FAM120B: variants seen among roughly 807,000 people sequenced by gnomAD.
FAM120B encodes the protein family with sequence similarity 120 member B.
A neutral mutation model predicts 96.3 loss-of-function variants in FAM120B; 83 were observed. That is an observed-to-expected ratio of 0.86 (90% CI 0.72 to 1.03). The LOEUF (loss-of-function observed/expected upper bound fraction) is 1.03. Ranked by LOEUF, FAM120B falls within the 50% of genes least tolerant of loss-of-function variation. FAM120B has a pLI of 0.00. For missense variants in FAM120B, 1,027 were observed against 1,121.2 expected, an observed-to-expected ratio of 0.92 and a Z score of 1.20; for synonymous variants, 407 against 402.7, an observed-to-expected ratio of 1.01 and a Z score of -0.13.
intron 5 of FAM120B, among the ~76,000 whole-genome samples, chr6:170,355,924 T>C (rs1222778893): frequency 6.6e-6 from 1 of 152,190 alleles, no homozygotes; most frequent in East Asian, 1.9e-4. Flanking sequence ...ATGTGTTTTG[T>C]TCTTGATACT....
At chr6:170,313,530 C>T (rs1186841638) in intron 1 of FAM120B, among the ~76,000 whole-genome samples, 1 of 152,238 alleles carries the variant, frequency 6.6e-6, no homozygotes, top group Non-Finnish European at 1.5e-5. Flanking sequence ...AATTTTCTAA[C>T]AGACTTACCT....
intron 9 of FAM120B, among the ~76,000 whole-genome samples, chr6:170,400,910 A>G (rs1269644341): frequency 2.0e-5 from 3 of 152,142 alleles, no homozygotes; most frequent in African/African-American, 7.2e-5. Context: ...GCCAGGAAGG[A>G]TGCCATGCAC....
At position 170,323,161 on chromosome 6, in the gene FAM120B, C is replaced by A. The variant is rs1002023776; in HGVS notation, c.1817C>A (p.Thr606Asn). The A allele has an allele frequency of 6.2e-7, 1 of 1,614,086 alleles. No homozygotes were observed. The highest frequency in any genetic ancestry group is 8.5e-7 in the Non-Finnish European group (1 of 1,180,010). ...MSSGEIECSN[T>N]LEDELDQALP... ...AGTGGAGAGATTGAATGCAGCAACA[C>A]CCTAGAAGATGAGCTTGACCAGGCC... is the stretch of plus-strand genomic sequence containing the variant. Residue 606 changes from threonine (T) to asparagine (N), a missense_variant, in exon 3 of 11, where the codon ACC (threonine) becomes AAC (asparagine). By Grantham distance (65) the Thr-to-Asn change is moderately conservative (BLOSUM62 0). This residue lies in a region of FAM120B where 880 missense variants were observed against 980.9 expected (regional missense o/e 0.90). Coordinates refer to ENST00000476287, the MANE Select transcript of FAM120B (RefSeq NM_032448.3).
chr6:170,350,851 A>G (rs1191348084), intron 5 of FAM120B, among the ~76,000 whole-genome samples: 1 of 152,228 alleles, frequency 6.6e-6, no homozygotes, highest in Non-Finnish European at 1.5e-5. Context: ...CAATGCAAAC[A>G]TGCTGAAAAC....
At chr6:170,328,248 A>T in intron 3 of FAM120B, among the ~76,000 whole-genome samples, 1 of 152,122 alleles carries the variant, frequency 6.6e-6, no homozygotes, top group Non-Finnish European at 1.5e-5. Flanking sequence ...CTGAATTCAT[A>T]CTTTAGAAAC....
chr6:170,397,306 C>G (rs1307294525), intron 9 of FAM120B, among the ~76,000 whole-genome samples: 1 of 152,128 alleles, frequency 6.6e-6, no homozygotes. Context: ...CCCCTCCATC[C>G]CTCCCTCACT....
chr6:170,397,028 C>T (rs1164709161), intron 9 of FAM120B, among the ~76,000 whole-genome samples: 4 of 152,244 alleles, frequency 2.6e-5, no homozygotes, highest in Admixed American at 2.0e-4. Flanking sequence ...AGGTCAGAGA[C>T]TGCAGCCCTG....
At chr6:170,368,483 G>C (rs1417038199) in intron 6 of FAM120B, among the ~76,000 whole-genome samples, 1 of 152,202 alleles carries the variant, frequency 6.6e-6, no homozygotes. Context: ...AGATCAAGCC[G>C]TTAAGATGGC....
Position 170,405,037 on chromosome 6 carries a change from G to T in FAM120B, c.*286G>T. 1 of 162,154 alleles carries T rather than the reference G, an allele frequency of 6.2e-6. No homozygotes were observed. The highest frequency in any genetic ancestry group is 6.3e-5 in the Admixed American group (1 of 15,926). 10.0% of individuals were successfully genotyped at this position (162,154 alleles called of 1,614,324 possible). A position where few individuals can be genotyped will look rare whatever the true frequency, so the allele number is the denominator to read the frequency against. On this transcript the variant is annotated 3_prime_UTR_variant, in exon 11 of 11. Transcript: ENST00000476287. ...CTGATCTTTCATTCATATATATGAT[G>T]CCTAGCTAATTTCATTTTAAAATAA...
chr6:170,382,868 G>A (rs1340549360), intron 6 of FAM120B, among the ~76,000 whole-genome samples: 1 of 152,136 alleles, frequency 6.6e-6, no homozygotes, highest in Non-Finnish European at 1.5e-5. Context: ...AAAGAAAATG[G>A]GCAGAATCAC....
intron 3 of FAM120B, among the ~76,000 whole-genome samples, chr6:170,323,872 G>T (rs1785440932): frequency 6.6e-6 from 1 of 152,212 alleles, no homozygotes; most frequent in Admixed American, 6.5e-5. Flanking sequence ...ATTTGGAATA[G>T]TTTTGGGGGG....
At chr6:170,380,185 TC>T (rs1271543259) in intron 6 of FAM120B, among the ~76,000 whole-genome samples, 2 of 152,184 alleles carry the variant, frequency 1.3e-5, no homozygotes, top group African/African-American at 4.8e-5. Context: ...GGATTTTTTT[TC>T]TTTTTTTTTT....
chr6:170,313,832 G>T (rs1217486531), intron 1 of FAM120B, among the ~76,000 whole-genome samples: 1 of 152,178 alleles, frequency 6.6e-6, no homozygotes, highest in Non-Finnish European at 1.5e-5. Context: ...GATGCTGGGG[G>T]TCTGTTAAGG....
chr6:170,323,867 G>C (rs1485059120), intron 3 of FAM120B, among the ~76,000 whole-genome samples: 1 of 152,166 alleles, frequency 6.6e-6, no homozygotes, highest in Non-Finnish European at 1.5e-5. Context: ...TCACCATTTG[G>C]AATAGTTTTG....
intron 9 of FAM120B, among the ~76,000 whole-genome samples, chr6:170,403,204 A>G (rs973790559): frequency 5.9e-5 from 9 of 152,260 alleles, no homozygotes; most frequent in Middle Eastern, 3.4e-3. Flanking sequence ...AATTTCAGAG[A>G]TTCCAGTATA....
chr6:170,312,719 A>G (rs895268515), intron 1 of FAM120B, among the ~76,000 whole-genome samples: 3 of 125,876 alleles, frequency 2.4e-5, no homozygotes, highest in Non-Finnish European at 5.4e-5. Context: ...CCGATGTTAA[A>G]ATTCTAACAT....
At chr6:170,333,338 C>T (rs954073197) in intron 4 of FAM120B, among the ~76,000 whole-genome samples, 1 of 152,060 alleles carries the variant, frequency 6.6e-6, no homozygotes, top group Non-Finnish European at 1.5e-5. Context: ...GGAAGCGGGG[C>T]CTCACCAGAA....
intron 6 of FAM120B, among the ~76,000 whole-genome samples, chr6:170,379,608 G>T (rs552782059): frequency 6.6e-6 from 1 of 152,136 alleles, no homozygotes; most frequent in Non-Finnish European, 1.5e-5. Context: ...TTTTTAGAAT[G>T]GGGTGTTCAA....
chr6:170,318,171 G>T lies in FAM120B; in HGVS notation c.781G>T (p.Gly261Cys), dbSNP rs1411083004. 6.2e-7 allele frequency: 1 copy of T among 1,614,022 alleles called. No homozygotes were observed. Among genetic ancestry groups the T allele is most frequent in the Non-Finnish European group, 8.5e-7 (1 of 1,180,032 alleles). ...TGTAAAAGAGAACTTTGACAAAAAA[G>T]GTAACATCATATTAGCTGTGTCAGA... ...TSVKENFDKK[G>C]NIILAVSDHI... is the part of the protein sequence containing the mutation. Residue 261 changes from glycine to cysteine, a missense_variant, in exon 2 of 11, where the codon GGT becomes TGT. Coordinates refer to ENST00000476287, the MANE Select transcript of FAM120B (RefSeq NM_032448.3).
Sources: gnomAD v4.1 joint callset for allele counts (sites outside exome capture counted in the v4.1 genomes callset) on GRCh38, gnomAD v4.1.1 for gene constraint, gnomAD v4.1.1 regional missense constraint, MANE v1.5 for transcripts, NCBI Gene and HGNC (gene_info 2026-07-23, HGNC 2026-07-21) for gene names.